Variants in AKAIN1 observed in about 807,000 individuals in gnomAD.
The protein encoded by AKAIN1 is A-kinase anchor protein inhibitor 1.
Under a neutral mutation model 3.7 loss-of-function variants are expected in AKAIN1, and 3 were observed. That is an observed-to-expected ratio of 0.82 (90% CI 0.37 to 2.12). The LOEUF (loss-of-function observed/expected upper bound fraction) is 2.12, where lower values mean the gene tolerates loss of function less well. Ranked by LOEUF, AKAIN1 falls within the 30% of genes most tolerant of loss-of-function variation. The pLI, the probability that AKAIN1 is intolerant of heterozygous loss-of-function variation, is 0.06. For synonymous variants in AKAIN1, 31 were observed against 30.8 expected, an observed-to-expected ratio of 1.01 and a Z score of -0.02; for missense variants, 82 against 82.7, an observed-to-expected ratio of 0.99 and a Z score of 0.03.
At chr18:5,165,854 G>A (rs545694536) in intron 1 of AKAIN1, among the ~76,000 whole-genome samples, 173 of 152,082 alleles carry the variant, frequency 1.1e-3, no homozygotes, top group Non-Finnish European at 1.8e-3. Flanking sequence ...GCAGTGAAAA[G>A]GATTTTACAG....
At chr18:5,154,179 C>A (rs911651759) in intron 1 of AKAIN1, among the ~76,000 whole-genome samples, 10 of 152,126 alleles carry the variant, frequency 6.6e-5, no homozygotes, top group Admixed American at 2.6e-4. Flanking sequence ...CAAAAAGCAA[C>A]AACCATGAAG....
chr18:5,170,511 G>T (rs2071191493), intron 1 of AKAIN1, among the ~76,000 whole-genome samples: 1 of 152,108 alleles, frequency 6.6e-6, no homozygotes, highest in African/African-American at 2.4e-5. Flanking sequence ...AGCAAAGATA[G>T]TGTACAGTCC....
At chr18:5,152,566 C>T (rs1022598629) in intron 1 of AKAIN1, among the ~76,000 whole-genome samples, 5 of 152,124 alleles carry the variant, frequency 3.3e-5, no homozygotes, top group African/African-American at 4.8e-5. Flanking sequence ...AGTGTCTCCA[C>T]GTATTGACTT....
At chr18:5,170,402 C>T (rs1441168231) in intron 1 of AKAIN1, among the ~76,000 whole-genome samples, 2 of 152,024 alleles carry the variant, frequency 1.3e-5, no homozygotes, top group Admixed American at 6.6e-5. Context: ...ATATCATGGC[C>T]CCAGTTCTTT....
chr18:5,143,250 C>T lies in AKAIN1; in HGVS notation c.*2312G>A, dbSNP rs2071031028. On this transcript the variant is annotated 3_prime_UTR_variant, in exon 2 of 2. Transcript: ENST00000434239. ...GAAAGATCTGTAAAAGTTTATAGGT[C>T]TTTAACTCGTTTGTTTTTATGACTG... 6.6e-6 allele frequency among the ~76,000 whole-genome samples: 1 copy of T among 152,158 alleles called. No individual in the cohort carries two copies. The highest frequency in any genetic ancestry group is 2.4e-5 in the African/African-American group (1 of 41,428).
intron 1 of AKAIN1, among the ~76,000 whole-genome samples, chr18:5,182,273 C>T (rs1280709264): frequency 6.6e-6 from 1 of 152,126 alleles, no homozygotes; most frequent in African/African-American, 2.4e-5. Context: ...TAGCTCCTAA[C>T]TGATGATCCA....
In AKAIN1 at chr18:5,175,020, C is replaced by T. The variant is rs1330555664; in HGVS notation, c.16+22018G>A. On this transcript the variant is annotated intron_variant, in intron 1 of 1. Coordinates refer to ENST00000434239, the MANE Select transcript of AKAIN1 (RefSeq NM_001145194.2). ...TTCAGGGGTAGGTAGCCAGTGTAGC[C>T]GCACAGGGTCTCACACTCAGAGGCA... Among the ~76,000 whole-genome samples the T allele has an allele frequency of 7.2e-5, 11 of 152,246 alleles. No individual in the cohort carries two copies. The East Asian group carries it at 1.5e-3, about 21-fold the overall frequency.
intron 1 of AKAIN1, among the ~76,000 whole-genome samples, chr18:5,151,399 A>G (rs907236246): frequency 6.6e-6 from 1 of 152,196 alleles, no homozygotes; most frequent in Non-Finnish European, 1.5e-5. Flanking sequence ...AAGCAAACCC[A>G]GGAGCCCTGC....
At chr18:5,197,369 C>T, upstream of AKAIN1, 2 of 1,253,046 alleles carry the variant, frequency 1.6e-6, no homozygotes, top group South Asian at 5.6e-5. This position sits in a 1 kb window ranked among gnomAD's most constrained non-coding sequence, Gnocchi z 6.9. Flanking sequence ...GCACTTCCAC[C>T]GCTTTCACGC....
chr18:5,158,222 T>C (rs957531818), intron 1 of AKAIN1, among the ~76,000 whole-genome samples: 1 of 152,188 alleles, frequency 6.6e-6, no homozygotes, highest in Non-Finnish European at 1.5e-5. Flanking sequence ...TCCAGTCTGT[T>C]CTTTCTTCCC....
At chr18:5,158,151 C>T (rs1156486838) in intron 1 of AKAIN1, among the ~76,000 whole-genome samples, 4 of 152,188 alleles carry the variant, frequency 2.6e-5, no homozygotes, top group African/African-American at 4.8e-5. Context: ...AACATTGTCC[C>T]GTGTGCCCAG....
intron 1 of AKAIN1, among the ~76,000 whole-genome samples, chr18:5,191,855 A>C (rs2071320247): frequency 6.6e-6 from 1 of 152,206 alleles, no homozygotes; most frequent in African/African-American, 2.4e-5. Flanking sequence ...ACTAGGACTC[A>C]CGTCTAAATA....
At chr18:5,188,535 A>C (rs2071300634) in intron 1 of AKAIN1, among the ~76,000 whole-genome samples, 1 of 151,296 alleles carries the variant, frequency 6.6e-6, no homozygotes. Flanking sequence ...GCCCCTTTAC[A>C]CTTCTAAGCC....
chr18:5,150,377 T>C lies in AKAIN1; in HGVS notation c.17-4622A>G, dbSNP rs897054599. Reference sequence around the variant, plus strand: ...CACTTCAATGTAATGAATCACTTAGTGTCATAGGCAGACTGTTGCCTAGCT... The same window carrying C: ...CACTTCAATGTAATGAATCACTTAGCGTCATAGGCAGACTGTTGCCTAGCT... On this transcript the variant is annotated intron_variant, in intron 1 of 1. Coordinates refer to ENST00000434239, the MANE Select transcript of AKAIN1 (RefSeq NM_001145194.2). Among the ~76,000 whole-genome samples the C allele has an allele frequency of 2.7e-4, 41 of 152,246 alleles. 1 individual carries two copies. Among genetic ancestry groups the C allele is most frequent in the Non-Finnish European group, 1.3e-4 (9 of 68,032 alleles).
At chr18:5,160,948 T>A (rs1217411571) in intron 1 of AKAIN1, among the ~76,000 whole-genome samples, 1 of 111,556 alleles carries the variant, frequency 9.0e-6, no homozygotes, top group Non-Finnish European at 2.3e-5. Flanking sequence ...TAAATACTAG[T>A]ACTTTATAAG....
At chr18:5,166,037 C>T (rs995928305) in intron 1 of AKAIN1, among the ~76,000 whole-genome samples, 11 of 152,082 alleles carry the variant, frequency 7.2e-5, no homozygotes, top group East Asian at 1.9e-4. Flanking sequence ...AAATGTGCTA[C>T]ACATGATTGT....
intron 1 of AKAIN1, among the ~76,000 whole-genome samples, chr18:5,195,083 A>G (rs1008038589): frequency 2.0e-5 from 3 of 152,142 alleles, no homozygotes; most frequent in Non-Finnish European, 2.9e-5. Flanking sequence ...TATTTTTAGC[A>G]TCCTGTTCTT....
intron 1 of AKAIN1, among the ~76,000 whole-genome samples, chr18:5,187,289 G>A (rs1017571317): frequency 5.3e-5 from 8 of 152,088 alleles, no homozygotes; most frequent in Non-Finnish European, 8.8e-5. Flanking sequence ...CTGTAGCCAC[G>A]CAGACAAGGA....
chr18:5,175,234 A>G (rs1328842205), intron 1 of AKAIN1, among the ~76,000 whole-genome samples: 1 of 152,116 alleles, frequency 6.6e-6, no homozygotes, highest in East Asian at 1.9e-4. Flanking sequence ...GCAATGCCCC[A>G]CAAGCACAGA....
Sources: gnomAD v4.1 joint callset for allele counts (sites outside exome capture counted in the v4.1 genomes callset) on GRCh38, gnomAD v4.1.1 for gene constraint, Gnocchi (gnomAD v3.1) non-coding constraint, MANE v1.5 for transcripts, NCBI Gene and HGNC (gene_info 2026-07-23, HGNC 2026-07-21) for gene names.